The following BCAS3 variants were observed in gnomAD, a reference collection of about 807,000 sequenced individuals.
BCAS3 encodes the protein BCAS4/BCAS3 fusion.
Under a neutral mutation model 116.1 loss-of-function variants are expected in BCAS3, and 53 were observed. The ratio of observed to expected loss-of-function variants is 0.46; its 90% CI spans 0.37 to 0.57. BCAS3 has a LOEUF of 0.57. Among genes scored for constraint, BCAS3 ranks in the 20% least tolerant of loss-of-function variants. BCAS3 has a pLI of 0.00. For missense variants in BCAS3, 917 were observed against 1,165.4 expected (o/e 0.79, Z 3.10); for synonymous variants, 391 against 408.2 (o/e 0.96, Z 0.51).
chr17:60,816,006 A>G (rs1306541280), intron 7 of BCAS3, among the ~76,000 whole-genome samples: 1 of 152,092 alleles, frequency 6.6e-6, no homozygotes, highest in African/African-American at 2.4e-5. Context: ...GACTGAGAAT[A>G]TCTCTTAATC....
chr17:60,997,634 T>C (rs1412073690), intron 15 of BCAS3, among the ~76,000 whole-genome samples: 2 of 152,162 alleles, frequency 1.3e-5, no homozygotes, highest in African/African-American at 2.4e-5. Context: ...CCTAAGTAAA[T>C]TTAATTACAT....
chr17:60,908,998 T>G (rs914021114), intron 11 of BCAS3, among the ~76,000 whole-genome samples: 3 of 152,164 alleles, frequency 2.0e-5, no homozygotes, highest in African/African-American at 7.2e-5. Context: ...GTCCCAGTTT[T>G]GAATTCTGAC....
At chr17:61,137,122 G>C (rs2076684134) in intron 22 of BCAS3, among the ~76,000 whole-genome samples, 1 of 152,142 alleles carries the variant, frequency 6.6e-6, no homozygotes, top group Non-Finnish European at 1.5e-5. Flanking sequence ...GTCATATACT[G>C]TACTCATTGA....
chr17:61,081,924 C>T (rs1200945360), intron 21 of BCAS3, among the ~76,000 whole-genome samples: 1 of 152,090 alleles, frequency 6.6e-6, no homozygotes, highest in Non-Finnish European at 1.5e-5. Flanking sequence ...CTCACCTGAC[C>T]CTTGACACCT....
chr17:61,289,207 G>A (rs775378370), intron 22 of BCAS3, among the ~76,000 whole-genome samples: 26 of 152,276 alleles, frequency 1.7e-4, no homozygotes, highest in Non-Finnish European at 2.6e-4. Flanking sequence ...ATGTACCCCC[G>A]CGACTCAGCT....
At chr17:61,154,621 T>C (rs1459417921) in intron 22 of BCAS3, among the ~76,000 whole-genome samples, 3 of 151,958 alleles carry the variant, frequency 2.0e-5, no homozygotes, top group African/African-American at 7.3e-5. Flanking sequence ...TTTTTATTTT[T>C]TTCTATAGAT....
rs71370187 is a variant in BCAS3 at position 61,089,509 on chromosome 17, C to CTTTTTTTTTTTTTT, written c.2425+4970_2425+4983dup. 4.5e-4 allele frequency among the ~76,000 whole-genome samples: 12 copies of CTTTTTTTTTTTTTT among 26,750 alleles called. 4 individuals are homozygous for CTTTTTTTTTTTTTT. The highest frequency in any genetic ancestry group is 9.7e-4 in the Admixed American group (2 of 2,056). The allele number at this position is 26,750 out of a possible 152,430, so 17.5% of individuals were successfully genotyped here. A position where few individuals can be genotyped will look rare whatever the true frequency, so the allele number is the denominator to read the frequency against. On this transcript the variant is annotated intron_variant, in intron 22 of 23. Coordinates refer to ENST00000407086, the MANE Select transcript of BCAS3 (RefSeq NM_017679.5). The stretch of plus-strand genomic sequence containing the variant: ...TTTTTCTTCGAGACGGAGTTTCACT[C>CTTTTTTTTTTTTTT]TTTTTTTTTTTTTTTTTTTTTTTTT...
rs2055860657 is a variant in BCAS3 at position 61,327,754 on chromosome 17, G to A, written c.2426-40573G>A. Among the ~76,000 whole-genome samples, 1 of 152,074 alleles carries A rather than the reference G, an allele frequency of 6.6e-6. No individual in the cohort carries two copies. The highest frequency in any genetic ancestry group is 1.5e-5 in the Non-Finnish European group (1 of 68,016). Reference sequence around the variant, plus strand: ...CGAACTTCTGGCCTCAAGTGGTCCAGCTGCCTCAGCCTCCCAAAGTGGTGG... The same window carrying A: ...CGAACTTCTGGCCTCAAGTGGTCCAACTGCCTCAGCCTCCCAAAGTGGTGG... On this transcript the variant is annotated intron_variant, in intron 22 of 23. Coordinates refer to ENST00000407086, the MANE Select transcript of BCAS3 (RefSeq NM_017679.5). The surrounding 1 kb of genome is among the most constrained non-coding windows in gnomAD (Gnocchi z 5.9).
intron 3 of BCAS3, among the ~76,000 whole-genome samples, chr17:60,686,618 G>A (rs2034093792): frequency 6.6e-6 from 1 of 151,794 alleles, no homozygotes; most frequent in Non-Finnish European, 1.5e-5. Flanking sequence ...CTCTGCCTAC[G>A]AGTTTCAAGC....
intron 22 of BCAS3, among the ~76,000 whole-genome samples, chr17:61,182,183 T>C (rs1046071513): frequency 2.0e-5 from 3 of 152,220 alleles, no homozygotes; most frequent in Non-Finnish European, 2.9e-5. Flanking sequence ...CATTGCTTTA[T>C]GCTTGAGATT....
intron 21 of BCAS3, among the ~76,000 whole-genome samples, chr17:61,081,221 C>T (rs895954551): frequency 6.6e-5 from 10 of 152,176 alleles, no homozygotes; most frequent in African/African-American, 2.2e-4. Flanking sequence ...GACACTGTCT[C>T]ATTTTTTTTC....
intron 22 of BCAS3, among the ~76,000 whole-genome samples, chr17:61,179,655 C>T (rs975142223): frequency 6.6e-6 from 1 of 152,206 alleles, no homozygotes; most frequent in African/African-American, 2.4e-5. Context: ...CCTCTCCCTT[C>T]AAGCACTGCA....
chr17:60,770,927 A>G (rs1209463831), intron 6 of BCAS3, among the ~76,000 whole-genome samples: 1 of 134,750 alleles, frequency 7.4e-6, no homozygotes, highest in African/African-American at 2.7e-5. Context: ...GGCTCACTAC[A>G]ACCTCAGCCT....
rs2066733542 is a variant in BCAS3 at position 61,032,711 on chromosome 17, G to C, written c.1638-1955G>C. Among the ~76,000 whole-genome samples the C allele has an allele frequency of 6.6e-6, 1 of 152,136 alleles. No individual in the cohort carries two copies. ...GTGACAGATGCAAGTATGAAGAGGT[G>C]AAACAGTTTATAGAGCCAGATTCAG... On this transcript the variant is annotated intron_variant, in intron 16 of 23. Coordinates refer to ENST00000407086, the MANE Select transcript of BCAS3 (RefSeq NM_017679.5). This position sits in a 1 kb window ranked among gnomAD's most constrained non-coding sequence, Gnocchi z 4.6.
intron 22 of BCAS3, among the ~76,000 whole-genome samples, chr17:61,152,790 A>C (rs935991602): frequency 2.0e-5 from 3 of 152,120 alleles, no homozygotes; most frequent in Non-Finnish European, 2.9e-5. Context: ...TAGTTTGGTG[A>C]GTATACTTCT....
intron 5 of BCAS3, among the ~76,000 whole-genome samples, chr17:60,729,540 T>C (rs1406639573): frequency 6.6e-6 from 1 of 152,176 alleles, no homozygotes; most frequent in Non-Finnish European, 1.5e-5. Flanking sequence ...TTAAAAAAAA[T>C]CATCTTGTTA....
rs554698433 is a variant in BCAS3, at chr17:61,356,908, C to T, written c.2426-11419C>T. ...CACTGGGAGAAGAGTCAGACATGGG[C>T]CATGGAGCTGCAGGCTCACCTGCCC... On this transcript the variant is annotated intron_variant, in intron 22 of 23. Transcript: ENST00000407086. The surrounding 1 kb of genome is among the most constrained non-coding windows in gnomAD (Gnocchi z 5.4). 7 of 152,336 alleles carry T rather than the reference C, an allele frequency of 4.6e-5. No individual in the cohort carries two copies. In the South Asian group the frequency reaches 1.2e-3, roughly 27 times the overall value. 9.4% of individuals were successfully genotyped at this position (152,336 alleles called of 1,614,324 possible). A position where few individuals can be genotyped will look rare whatever the true frequency, so the allele number is the denominator to read the frequency against.
At chr17:60,717,870 A>G (rs113900348) in intron 5 of BCAS3, among the ~76,000 whole-genome samples, 5,119 of 152,258 alleles carry the variant, frequency 0.034, 241 homozygotes, top group African/African-American at 0.1. Context: ...TGAAATAATT[A>G]TACAACTCAC....
At chr17:61,090,193 A>G (rs1259298233) in intron 22 of BCAS3, among the ~76,000 whole-genome samples, 1 of 152,196 alleles carries the variant, frequency 6.6e-6, no homozygotes, top group African/African-American at 2.4e-5. Flanking sequence ...TGTTCAAATT[A>G]TTTCCTTAAG....
Sources: gnomAD v4.1 joint callset for allele counts (sites outside exome capture counted in the v4.1 genomes callset) on GRCh38, gnomAD v4.1.1 for gene constraint, Gnocchi (gnomAD v3.1) non-coding constraint, MANE v1.5 for transcripts, NCBI Gene and HGNC (gene_info 2026-07-23, HGNC 2026-07-21) for gene names.